The following CALD1 variants were observed in gnomAD, a reference collection of about 807,000 sequenced individuals.
The protein encoded by CALD1 is caldesmon.
Under a neutral mutation model 99.9 loss-of-function variants are expected in CALD1, and 33 were observed. The ratio of observed to expected loss-of-function variants is 0.33; its 90% CI spans 0.25 to 0.44. CALD1 has a LOEUF of 0.44. Ranked by LOEUF, CALD1 falls within the 20% of genes least tolerant of loss-of-function variation. The probability of loss-of-function intolerance (pLI) is 1.00; values close to 1 mark genes in which losing one functional copy is unlikely to be tolerated. For synonymous variants in CALD1, 310 were observed against 325.0 expected (o/e 0.95, Z 0.50); for missense variants, 861 against 962.1 (o/e 0.89, Z 1.39).
At chr7:134,848,348 T>C (rs1799938706) in intron 2 of CALD1, among the ~76,000 whole-genome samples, 1 of 152,086 alleles carries the variant, frequency 6.6e-6, no homozygotes. Context: ...TAGAGACAAA[T>C]GAAGTCTGAA....
chr7:134,747,126 T>G (rs1306915186), intron 1 of CALD1, among the ~76,000 whole-genome samples: 1 of 152,204 alleles, frequency 6.6e-6, no homozygotes, highest in Non-Finnish European at 1.5e-5. Flanking sequence ...TTAGTATAGA[T>G]TGTCATCTCA....
chr7:134,834,207 G>A (rs866171517), intron 1 of CALD1, among the ~76,000 whole-genome samples: 8 of 152,146 alleles, frequency 5.3e-5, no homozygotes, highest in African/African-American at 1.7e-4. Flanking sequence ...AGATTAGGAC[G>A]GTTGCTTGAA....
At chr7:134,859,495 T>C (rs527946199) in intron 2 of CALD1, among the ~76,000 whole-genome samples, 1 of 152,326 alleles carries the variant, frequency 6.6e-6, no homozygotes, top group Admixed American at 6.5e-5. Flanking sequence ...ATTTAAATGC[T>C]TGAAAAGAAA....
intron 2 of CALD1, among the ~76,000 whole-genome samples, chr7:134,852,829 T>A (rs1460521121): frequency 6.6e-6 from 1 of 152,192 alleles, no homozygotes; most frequent in East Asian, 1.9e-4. Context: ...AACATCTTGT[T>A]TTCATGAATG....
intron 1 of CALD1, among the ~76,000 whole-genome samples, chr7:134,749,912 C>T (rs1440291113): frequency 6.6e-6 from 1 of 152,112 alleles, no homozygotes; most frequent in South Asian, 2.1e-4. Context: ...GCTCTTGACT[C>T]GCTTTAGGGA....
chr7:134,763,656 A>G lies in CALD1; in HGVS notation c.-130+19293A>G, dbSNP rs181082808. On this transcript the variant is annotated intron_variant, in intron 1 of 13. Transcript: ENST00000417172. ...TCCCACTAGCTGGGCGCAATGGCTC[A>G]CGTCTGTAATCCCAGCACTTTGGGA... Among the ~76,000 whole-genome samples the G allele has an allele frequency of 2.0e-5, 3 of 152,288 alleles. No homozygotes were observed. In the East Asian group the frequency reaches 5.8e-4, roughly 29 times the overall value.
intron 13 of CALD1, 130 bp downstream of exon 13, chr7:134,960,758 A>C (rs1808204258): frequency 3.2e-6 from 2 of 622,854 alleles, no homozygotes; most frequent in Admixed American, 2.8e-5. Flanking sequence ...ATGAATAGCA[A>C]ACAGGAAAGT....
intron 6 of CALD1, among the ~76,000 whole-genome samples, chr7:134,940,335 A>G (rs1171560760): frequency 6.6e-6 from 1 of 152,200 alleles, no homozygotes. Flanking sequence ...TATGAAAGCT[A>G]ACACCTGCCC....
intron 9 of CALD1, among the ~76,000 whole-genome samples, chr7:134,952,257 T>C (rs572073193): frequency 1.3e-5 from 2 of 151,974 alleles, no homozygotes; most frequent in East Asian, 1.9e-4. Context: ...GCCGAGATCG[T>C]GCCACTGCAC....
intron 5 of CALD1, among the ~76,000 whole-genome samples, chr7:134,934,404 T>C (rs192091573): frequency 7.9e-5 from 12 of 152,348 alleles, no homozygotes; most frequent in Admixed American, 7.2e-4. Flanking sequence ...GTGTGTTGGC[T>C]TCTGATTCTG....
chr7:134,770,683 CA>C (rs1352073141), intron 1 of CALD1, among the ~76,000 whole-genome samples: 1 of 152,154 alleles, frequency 6.6e-6, no homozygotes, highest in Admixed American at 6.6e-5. Flanking sequence ...ACTATATATA[CA>C]AAGACCCTAT....
chr7:134,962,945 T>C (rs1156487448), intron 13 of CALD1: 1 of 455,936 alleles, frequency 2.2e-6, no homozygotes, highest in Non-Finnish European at 4.4e-6. Context: ...GTAATTCCAT[T>C]TATATTTCCC....
At chr7:134,937,582 T>C (rs1018080156) in intron 6 of CALD1, among the ~76,000 whole-genome samples, 3 of 151,736 alleles carry the variant, frequency 2.0e-5, no homozygotes, top group African/African-American at 7.3e-5. Context: ...AAATCATGTT[T>C]ACATGATTCA....
rs190351101 is a variant in CALD1 at position 134,912,482 on chromosome 7, G to A, written c.72-16272G>A. Among the ~76,000 whole-genome samples the A allele has an allele frequency of 2.6e-5, 4 of 152,310 alleles. No individual in the cohort carries two copies. In the East Asian group the frequency reaches 7.7e-4, roughly 29 times the overall value. Reference sequence around the variant, plus strand: ...ACACACGGAGAGGACACTAATGCTTGTGAACGCAGACCAGTGCGTCCTCAG... The same window carrying A: ...ACACACGGAGAGGACACTAATGCTTATGAACGCAGACCAGTGCGTCCTCAG... On this transcript the variant is annotated intron_variant, in intron 3 of 14. Coordinates refer to ENST00000361675, the MANE Select transcript of CALD1 (RefSeq NM_033138.4).
chr7:134,824,142 T>G (rs1798892883), intron 1 of CALD1, among the ~76,000 whole-genome samples: 1 of 152,210 alleles, frequency 6.6e-6, no homozygotes, highest in South Asian at 2.1e-4. Context: ...TGAACTTTAA[T>G]CCTTGAAGGG....
intron 3 of CALD1, among the ~76,000 whole-genome samples, chr7:134,915,166 C>T: frequency 6.6e-6 from 1 of 152,236 alleles, no homozygotes; most frequent in Admixed American, 6.5e-5. Flanking sequence ...TCCTCAGAAC[C>T]TAGGCCCCCA....
upstream of CALD1, among the ~76,000 whole-genome samples, chr7:134,743,677 AGT>A (rs1459147941): frequency 6.6e-6 from 1 of 152,238 alleles, no homozygotes. Context: ...CAATCAGAAA[AGT>A]GTTGCTGGTT....
At chr7:134,759,611 C>T (rs17168024) in intron 1 of CALD1, among the ~76,000 whole-genome samples, 16 of 152,054 alleles carry the variant, frequency 1.1e-4, no homozygotes, top group African/African-American at 3.1e-4. Context: ...GGCAGATTCG[C>T]GAGGGATGTC....
chr7:134,736,936 T>C, the CALD1 span, among the ~76,000 whole-genome samples: 1 of 152,240 alleles, frequency 6.6e-6, no homozygotes, highest in Admixed American at 6.5e-5. Flanking sequence ...TTTTCTGTGC[T>C]ACCTTCACTG....
Sources: gnomAD v4.1 joint callset for allele counts (sites outside exome capture counted in the v4.1 genomes callset) on GRCh38, gnomAD v4.1.1 for gene constraint, MANE v1.5 for transcripts, NCBI Gene and HGNC (gene_info 2026-07-23, HGNC 2026-07-21) for gene names.